Variants in RBFOX1 observed in about 807,000 individuals in gnomAD.
The protein encoded by RBFOX1 is RNA binding protein fox-1 homolog 1.
Under a neutral mutation model 57.7 loss-of-function variants are expected in RBFOX1, and 8 were observed. That is an observed-to-expected ratio of 0.14 (90% CI 0.08 to 0.25). The LOEUF is 0.25. Among genes scored for constraint, RBFOX1 ranks in the 10% least tolerant of loss-of-function variants. RBFOX1 has a pLI of 1.00. For missense variants in RBFOX1, 611 were observed against 548.5 expected, an observed-to-expected ratio of 1.11 and a Z score of -1.14; for synonymous variants, 326 against 222.4, an observed-to-expected ratio of 1.47 and a Z score of -4.15.
At chr16:6,115,738 G>A (rs997724285) in intron 1 of RBFOX1, among the ~76,000 whole-genome samples, 1 of 152,138 alleles carries the variant, frequency 6.6e-6, no homozygotes, top group African/African-American at 2.4e-5. Context: ...TATTTACCAA[G>A]CTACACAGTG....
intron 2 of RBFOX1, among the ~76,000 whole-genome samples, chr16:5,555,575 C>T (rs865789096): frequency 6.6e-6 from 1 of 151,580 alleles, no homozygotes; most frequent in Non-Finnish European, 1.5e-5. Context: ...AATGGCAAAA[C>T]CACAATTACT....
chr16:7,252,025 G>A (rs541998443), intron 4 of RBFOX1, among the ~76,000 whole-genome samples: 1 of 152,312 alleles, frequency 6.6e-6, no homozygotes, highest in African/African-American at 2.4e-5. Flanking sequence ...TATTTGGGTG[G>A]TGAGACAGAA....
chr16:7,335,337 A>G (rs1284826815), intron 4 of RBFOX1, among the ~76,000 whole-genome samples: 1 of 152,176 alleles, frequency 6.6e-6, no homozygotes, highest in Admixed American at 6.5e-5. Context: ...CATTGGCAAG[A>G]TGTTAAAATG....
chr16:5,547,528 C>T (rs577031133), intron 2 of RBFOX1, among the ~76,000 whole-genome samples: 6 of 152,186 alleles, frequency 3.9e-5, no homozygotes, highest in Admixed American at 1.3e-4. Context: ...ACTATATAAG[C>T]CTATTTATAT....
intron 3 of RBFOX1, among the ~76,000 whole-genome samples, chr16:5,820,565 C>T (rs1162586412): frequency 6.6e-6 from 1 of 152,144 alleles, no homozygotes; most frequent in East Asian, 1.9e-4. Flanking sequence ...TCTTCCCCCA[C>T]CTGCTTTTGT....
chr16:7,705,898 A>C (rs2148431469), intron 14 of RBFOX1, among the ~76,000 whole-genome samples: 1 of 152,294 alleles, frequency 6.6e-6, no homozygotes, highest in Non-Finnish European at 1.5e-5. Flanking sequence ...GGGCACATGG[A>C]GATCATCATG....
At chr16:5,858,726 C>T (rs1391126676) in intron 3 of RBFOX1, among the ~76,000 whole-genome samples, 1 of 152,224 alleles carries the variant, frequency 6.6e-6, no homozygotes, top group African/African-American at 2.4e-5. Flanking sequence ...TTGGACATGT[C>T]TGGAGCCTGC....
chr16:6,973,971 C>T (rs1316498058), intron 3 of RBFOX1, among the ~76,000 whole-genome samples: 3 of 152,208 alleles, frequency 2.0e-5, no homozygotes, highest in East Asian at 3.9e-4. Flanking sequence ...TGTTCCCCTC[C>T]CTGTGTCCAT....
At chr16:6,425,450 C>T (rs376520183) in intron 2 of RBFOX1, among the ~76,000 whole-genome samples, 5 of 152,162 alleles carry the variant, frequency 3.3e-5, no homozygotes, top group African/African-American at 1.2e-4. Context: ...CCTACCCAAC[C>T]TCTCACCATT....
At chr16:7,146,247 A>G (rs2074955815) in intron 4 of RBFOX1, among the ~76,000 whole-genome samples, 2 of 152,178 alleles carry the variant, frequency 1.3e-5, no homozygotes, top group Admixed American at 6.5e-5. Flanking sequence ...CAGGAACAGC[A>G]GATGCCACGT....
At chr16:6,652,818 G>C (rs1303060489) in intron 2 of RBFOX1, among the ~76,000 whole-genome samples, 1 of 152,088 alleles carries the variant, frequency 6.6e-6, no homozygotes, top group Non-Finnish European at 1.5e-5. Flanking sequence ...AAAAAATTCT[G>C]GAGATGGAGG....
intron 2 of RBFOX1, among the ~76,000 whole-genome samples, chr16:5,587,882 C>G (rs965873683): frequency 3.9e-5 from 6 of 152,140 alleles, no homozygotes; most frequent in African/African-American, 7.2e-5. Flanking sequence ...AAGTATCAAC[C>G]TATGTCCTCA....
At chr16:6,974,636 C>A (rs1445323643) in intron 3 of RBFOX1, among the ~76,000 whole-genome samples, 1 of 152,040 alleles carries the variant, frequency 6.6e-6, no homozygotes, top group Non-Finnish European at 1.5e-5. Flanking sequence ...TGAGTCACTG[C>A]ACCTGGCCCA....
chr16:6,921,817 C>G (rs945664483), intron 3 of RBFOX1, among the ~76,000 whole-genome samples: 6 of 151,918 alleles, frequency 3.9e-5, no homozygotes, highest in Non-Finnish European at 5.9e-5. Context: ...CACCATGTAA[C>G]TTTCCATCAC....
intron 1 of RBFOX1, among the ~76,000 whole-genome samples, chr16:5,387,554 C>G (rs1414733598): frequency 1.3e-5 from 2 of 152,100 alleles, no homozygotes; most frequent in Non-Finnish European, 2.9e-5. Flanking sequence ...AAAGGGAATT[C>G]CTGATATTAT....
At chr16:6,613,042 T>A (rs1014086447) in intron 2 of RBFOX1, among the ~76,000 whole-genome samples, 3 of 145,808 alleles carry the variant, frequency 2.1e-5, no homozygotes, top group African/African-American at 5.1e-5. Context: ...TGTGTGTGTG[T>A]GAGTGTGTGT....
At chr16:7,045,982 G>A (rs570832591) in intron 3 of RBFOX1, among the ~76,000 whole-genome samples, 34 of 152,104 alleles carry the variant, frequency 2.2e-4, no homozygotes, top group Non-Finnish European at 1.5e-5. Context: ...ATTAATTAAC[G>A]AAAATCAATG....
chr16:6,744,287 A>T (rs901315044), intron 3 of RBFOX1, among the ~76,000 whole-genome samples: 4 of 152,142 alleles, frequency 2.6e-5, no homozygotes, highest in Admixed American at 2.6e-4. Flanking sequence ...AATAACTGAC[A>T]GAATAAATAG....
chr16:7,088,977 A>C (rs1323434715), intron 4 of RBFOX1, among the ~76,000 whole-genome samples: 1 of 152,152 alleles, frequency 6.6e-6, no homozygotes, highest in African/African-American at 2.4e-5. Context: ...GCTGTAAAGG[A>C]AGAAGGCCTT....
Sources: allele counts gnomAD v4.1 joint callset (sites outside exome capture counted in the v4.1 genomes callset), GRCh38; gene constraint gnomAD v4.1.1; transcripts MANE v1.5; gene names NCBI Gene and HGNC (gene_info 2026-07-23, HGNC 2026-07-21).